The following C2orf49 variants were observed in gnomAD, a reference collection of about 807,000 sequenced individuals.
The protein encoded by C2orf49 is tRNA-splicing ligase complex subunit ASW.
A neutral mutation model predicts 20.6 loss-of-function variants in C2orf49; 11 were observed. The observed-to-expected ratio is 0.53, with a 90% CI of 0.34 to 0.88. The LOEUF (loss-of-function observed/expected upper bound fraction) is 0.88. Among genes scored for constraint, C2orf49 ranks in the 40% least tolerant of loss-of-function variants. The pLI is 0.02. For synonymous variants in C2orf49, 134 were observed against 108.5 expected (o/e 1.24, Z -1.46); for missense variants, 289 against 274.2 (o/e 1.05, Z -0.38).
the C2orf49 span, among the ~76,000 whole-genome samples, chr2:105,355,335 TG>T: frequency 6.6e-6 from 1 of 152,148 alleles, no homozygotes. Context: ...TGGAAATGAC[TG>T]GGAAGTAGTT....
At chr2:105,350,446 ACT>A (rs754540131), downstream of C2orf49, among the ~76,000 whole-genome samples, 19 of 152,128 alleles carry the variant, frequency 1.2e-4, no homozygotes, top group Non-Finnish European at 2.6e-4. Context: ...CTGTTTGTTA[ACT>A]CTGTTGAGAC....
chr2:105,348,579 T>A lies in C2orf49; in HGVS notation c.*3208T>A, dbSNP rs1292372943. On this transcript the variant is annotated 3_prime_UTR_variant, in exon 4 of 4. Transcript: ENST00000258457. The stretch of plus-strand genomic sequence containing the variant: ...ATATGTAAGAGCTTCCTCTATTTAC[T>A]ACTGTTGAACTTCAGTAATTTTTAG... 1 of 148,704 alleles carries A rather than the reference T, an allele frequency of 6.7e-6. No homozygotes were observed. The highest frequency in any genetic ancestry group is 1.5e-5 in the Non-Finnish European group (1 of 67,366). The allele number at this position is 148,704 out of a possible 1,614,324, so 9.2% of individuals were successfully genotyped here.
the C2orf49 span, chr2:105,359,703 T>C: frequency 6.6e-6 from 1 of 152,228 alleles, no homozygotes; most frequent in African/African-American, 2.4e-5. Flanking sequence ...TTATTTTTAC[T>C]GTAATGACTG....
At position 105,343,197 on chromosome 2, in the gene C2orf49, GCTC is replaced by G; in HGVS notation, c.619_621del (p.Pro207del). On this transcript the variant is annotated inframe_deletion, in exon 3 of 4. Coordinates refer to ENST00000258457, the MANE Select transcript of C2orf49 (RefSeq NM_024093.3). ...TACTCCAGTGAAGTTAAAGAGAGCT[GCTC>G]CTAAAGAAGAGGCAGAGGCCATGGT... The G allele has an allele frequency of 6.2e-7, 1 of 1,603,364 alleles. No individual in the cohort carries two copies. Among genetic ancestry groups the G allele is most frequent in the Non-Finnish European group, 8.5e-7 (1 of 1,175,836 alleles).
chr2:105,366,393 A>C, the C2orf49 span, among the ~76,000 whole-genome samples: 1 of 152,188 alleles, frequency 6.6e-6, no homozygotes, highest in Non-Finnish European at 1.5e-5. Flanking sequence ...CAAGGGCAAA[A>C]CAGCAGAAGC....
In C2orf49 at chr2:105,339,709, A is replaced by C; in HGVS notation, c.226A>C (p.Lys76Gln). The C allele has an allele frequency of 6.2e-7, 1 of 1,605,432 alleles. No individual in the cohort carries two copies. The highest frequency in any genetic ancestry group is 8.5e-7 in the Non-Finnish European group (1 of 1,178,304). Residue 76 changes from lysine to glutamine, a missense_variant, in exon 2 of 4, where the codon AAG (lysine) becomes CAG (glutamine). Coordinates refer to ENST00000258457, the MANE Select transcript of C2orf49 (RefSeq NM_024093.3). ...PKNRWGKMME[K>Q]KREQHEIKNE... Reference sequence around the variant, plus strand: ...GAATAGATGGGGGAAAATGATGGAAAAGAAAAGAGAACAACATGAGATTAA... The same window carrying C: ...GAATAGATGGGGGAAAATGATGGAACAGAAAAGAGAACAACATGAGATTAA...
the C2orf49 span, chr2:105,376,689 G>A: frequency 6.6e-6 from 1 of 152,164 alleles, no homozygotes; most frequent in Non-Finnish European, 1.5e-5. Context: ...TTAAAAGTAA[G>A]GTCTCGAAGA....
chr2:105,343,310 GCT>G, intron 3 of C2orf49, 87 bp downstream of exon 3: 1 of 1,340,654 alleles, frequency 7.5e-7, no homozygotes, highest in Non-Finnish European at 1.0e-6. Flanking sequence ...GGTCGACTGT[GCT>G]ACATTCTGTT....
chr2:105,378,016 G>T, the C2orf49 span: 3 of 463,744 alleles, frequency 6.5e-6, no homozygotes, highest in Non-Finnish European at 1.3e-5. Flanking sequence ...AACTGAGAGA[G>T]AAATCTCCAA....
At chr2:105,385,116 A>G in the C2orf49 span, among the ~76,000 whole-genome samples, 2 of 152,198 alleles carry the variant, frequency 1.3e-5, no homozygotes, top group East Asian at 1.9e-4. Context: ...TTTCTTTTAC[A>G]TTCAGCACAG....
At chr2:105,381,003 G>A in the C2orf49 span, among the ~76,000 whole-genome samples, 1 of 152,072 alleles carries the variant, frequency 6.6e-6, no homozygotes, top group South Asian at 2.1e-4. Context: ...CTTTAGCTGA[G>A]CTTTAGTGGC....
At chr2:105,357,186 A>G in the C2orf49 span, among the ~76,000 whole-genome samples, 4 of 152,100 alleles carry the variant, frequency 2.6e-5, no homozygotes, top group Admixed American at 6.5e-5. Context: ...CTTCCATTAC[A>G]CATATGTTGG....
At position 105,348,122 on chromosome 2, in the gene C2orf49, A is replaced by G. The variant is rs567090979; in HGVS notation, c.*2751A>G. Reference sequence around the variant, plus strand: ...AGCTTCTAGCTTAGGTTTGCAAGTCATATTGCTTGGCCCTCCACATTCACT... The same window carrying G: ...AGCTTCTAGCTTAGGTTTGCAAGTCGTATTGCTTGGCCCTCCACATTCACT... On this transcript the variant is annotated 3_prime_UTR_variant, in exon 4 of 4. Transcript: ENST00000258457. The G allele has an allele frequency of 1.6e-4, 25 of 152,096 alleles. No individual in the cohort carries two copies. Among genetic ancestry groups the G allele is most frequent in the African/African-American group, 4.8e-4 (20 of 41,472 alleles). The allele number at this position is 152,096 out of a possible 1,614,324, so 9.4% of individuals were successfully genotyped here.
the C2orf49 span, among the ~76,000 whole-genome samples, chr2:105,372,428 T>C: frequency 0.011 from 1,601 of 152,232 alleles, 20 homozygotes; most frequent in African/African-American, 0.036. Flanking sequence ...CGTTTTACCA[T>C]GTTAGCCTGG....
At chr2:105,361,380 C>CA in the C2orf49 span, 1 of 1,614,174 alleles carries the variant, frequency 6.2e-7, no homozygotes, top group Non-Finnish European at 8.5e-7. Context: ...ACAGTTAAAG[C>CA]AGTCGTTATG....
the C2orf49 span, among the ~76,000 whole-genome samples, chr2:105,370,692 T>A: frequency 1.3e-5 from 2 of 152,172 alleles, no homozygotes; most frequent in Non-Finnish European, 2.9e-5. Flanking sequence ...TCTAACACTT[T>A]TAAAAATCAA....
chr2:105,382,416 C>G, the C2orf49 span, among the ~76,000 whole-genome samples: 6 of 152,230 alleles, frequency 3.9e-5, no homozygotes, highest in Admixed American at 2.6e-4. Flanking sequence ...GAGGACCCTC[C>G]GGGTCTGGGC....
downstream of C2orf49, among the ~76,000 whole-genome samples, chr2:105,353,410 A>AT (rs201635007): frequency 7.9e-5 from 12 of 151,624 alleles, no homozygotes; most frequent in Admixed American, 3.3e-4. Context: ...TCTAGTCTCA[A>AT]TTTTTTTTTC....
downstream of C2orf49, among the ~76,000 whole-genome samples, chr2:105,350,082 A>G (rs908975253): frequency 1.3e-5 from 2 of 152,232 alleles, no homozygotes; most frequent in African/African-American, 4.8e-5. Flanking sequence ...TGTGACCACT[A>G]GTCACCTATC....
Sources: allele counts gnomAD v4.1 joint callset (sites outside exome capture counted in the v4.1 genomes callset), GRCh38; gene constraint gnomAD v4.1.1; transcripts MANE v1.5; gene names NCBI Gene and HGNC (gene_info 2026-07-23, HGNC 2026-07-21).